The following COG7 variants were observed in gnomAD, a reference collection of about 807,000 sequenced individuals.
COG7 encodes the protein conserved oligomeric Golgi complex subunit 7.
COG7 carries 49 observed loss-of-function variants against 91.5 expected under a neutral mutation model. The observed-to-expected ratio is 0.54, with a 90% confidence interval of 0.43 to 0.68. The LOEUF is 0.68. COG7 is among the 30% of genes least tolerant of loss of function. COG7 has a pLI of 0.00. For missense variants in COG7, 895 were observed against 961.3 expected, an observed-to-expected ratio of 0.93 and a Z score of 0.91; for synonymous variants, 365 against 388.7, an observed-to-expected ratio of 0.94 and a Z score of 0.72.
chr16:23,416,747 A>C, intron 9 of COG7: 1 of 597,022 alleles, frequency 1.7e-6, no homozygotes, highest in Non-Finnish European at 3.0e-6. Context: ...TGAATATGTC[A>C]CATCTTAAGT....
At chr16:23,439,764 G>A (rs1211814723) in intron 4 of COG7, among the ~76,000 whole-genome samples, 1 of 152,186 alleles carries the variant, frequency 6.6e-6, no homozygotes, top group Non-Finnish European at 1.5e-5. Flanking sequence ...AAGTTCTGGA[G>A]ATGGATGGTG....
At chr16:23,436,563 G>A (rs754873528) in intron 4 of COG7, among the ~76,000 whole-genome samples, 31 of 151,990 alleles carry the variant, frequency 2.0e-4, no homozygotes, top group African/African-American at 3.1e-4. Context: ...GTGAAACCCC[G>A]TCTCTACTAA....
intron 4 of COG7, 40 bp from the exon 5 acceptor site, chr16:23,434,758 T>C: frequency 2.1e-6 from 3 of 1,438,366 alleles, no homozygotes; most frequent in Non-Finnish European, 2.9e-6. Flanking sequence ...TACCAGCCTT[T>C]CTGGTGTAGA....
At chr16:23,411,267 A>T (rs912166825) in intron 10 of COG7, among the ~76,000 whole-genome samples, 1 of 152,176 alleles carries the variant, frequency 6.6e-6, no homozygotes, top group Non-Finnish European at 1.5e-5. Context: ...CCAAACTCAT[A>T]ATGTCAGGAC....
chr16:23,410,503 G>T, intron 10 of COG7, 143 bp from the exon 11 acceptor site: 2 of 732,868 alleles, frequency 2.7e-6, no homozygotes, highest in Non-Finnish European at 2.4e-6. Context: ...ACATCTGCTG[G>T]CCTGAAATGT....
chr16:23,393,722 G>A (rs150983596), intron 14 of COG7: 135 of 267,020 alleles, frequency 5.1e-4, no homozygotes, highest in African/African-American at 2.9e-3. Flanking sequence ...GTGTCAGAAT[G>A]TGTGGGGCCA....
chr16:23,394,719 T>G (rs2058416110), intron 14 of COG7, among the ~76,000 whole-genome samples: 1 of 152,198 alleles, frequency 6.6e-6, no homozygotes, highest in South Asian at 2.1e-4. Context: ...AACTACAGGA[T>G]GATCATGCCC....
intron 11 of COG7, among the ~76,000 whole-genome samples, chr16:23,409,088 T>TGTGCGCGCGCGC (rs567307217): frequency 2.0e-5 from 3 of 147,806 alleles, no homozygotes; most frequent in African/African-American, 7.6e-5. Context: ...TGTGTGTGTG[T>TGTGCGCGCGCGC]GCGTGCATGT....
intron 6 of COG7, among the ~76,000 whole-genome samples, chr16:23,427,054 G>C (rs561459712): frequency 1.3e-5 from 2 of 152,038 alleles, no homozygotes; most frequent in South Asian, 4.1e-4. Flanking sequence ...TTTGAGACCA[G>C]CCTGGGCAAC....
intron 6 of COG7, among the ~76,000 whole-genome samples, chr16:23,432,098 G>A (rs1478286987): frequency 6.6e-6 from 1 of 152,084 alleles, no homozygotes; most frequent in Non-Finnish European, 1.5e-5. Flanking sequence ...AGTGAGCCAT[G>A]ATCATGCCAC....
At chr16:23,399,463 A>C (rs1963339132) in intron 13 of COG7, among the ~76,000 whole-genome samples, 1 of 152,166 alleles carries the variant, frequency 6.6e-6, no homozygotes, top group South Asian at 2.1e-4. Context: ...AGAAGAGACA[A>C]AGAAATGTAA....
chr16:23,436,819 C>T (rs1342541469), intron 4 of COG7, among the ~76,000 whole-genome samples: 3 of 152,170 alleles, frequency 2.0e-5, no homozygotes, highest in African/African-American at 4.8e-5. Flanking sequence ...ACCTGTGGGG[C>T]GGGGGAACCC....
intron 12 of COG7, among the ~76,000 whole-genome samples, chr16:23,404,496 G>A (rs994977900): frequency 6.6e-6 from 1 of 152,260 alleles, no homozygotes; most frequent in African/African-American, 2.4e-5. Flanking sequence ...TGTTTGTCAA[G>A]CTCAATGCAA....
Position 23,433,652 on chromosome 16 carries a change from C to T in COG7, c.703G>A (p.Ala235Thr), listed in dbSNP as rs199780645. 1.5e-4 allele frequency: 245 copies of T among 1,614,032 alleles called. No homozygotes were observed. Among genetic ancestry groups the T allele is most frequent in the Non-Finnish European group, 6.8e-6 (8 of 1,179,992 alleles). Residue 235 changes from alanine to threonine, a missense_variant, in exon 6 of 17, where the codon GCC becomes ACC. Coordinates refer to ENST00000307149, the MANE Select transcript of COG7 (RefSeq NM_153603.4). ...YKCHKVQLLAAWQELCQSDLS... is the reference protein window; with the variant it reads ...YKCHKVQLLATWQELCQSDLS... ...TCACTTTGACACAGCTCTTGCCAGG[C>T]TGCTAAAAGCTGCACCTGCAGAGAC...
chr16:23,407,540 C>T (rs1416789726), intron 11 of COG7, among the ~76,000 whole-genome samples: 1 of 152,188 alleles, frequency 6.6e-6, no homozygotes, highest in Non-Finnish European at 1.5e-5. Context: ...GAGGAGAGGC[C>T]TTAAGGACCC....
chr16:23,419,632 C>T (rs1000443570), intron 7 of COG7, among the ~76,000 whole-genome samples: 1 of 149,702 alleles, frequency 6.7e-6, no homozygotes, highest in Non-Finnish European at 1.5e-5. Flanking sequence ...ACCTGTAATT[C>T]CTGCTACTCG....
At chr16:23,444,421 G>A (rs1403348998) in intron 3 of COG7, among the ~76,000 whole-genome samples, 1 of 151,692 alleles carries the variant, frequency 6.6e-6, no homozygotes, top group Non-Finnish European at 1.5e-5. Flanking sequence ...AAGTCCCCAA[G>A]GTATATAAGG....
intron 1 of COG7, among the ~76,000 whole-genome samples, chr16:23,451,192 CA>C (rs149516654): frequency 6.6e-6 from 1 of 151,398 alleles, no homozygotes; most frequent in Non-Finnish European, 1.5e-5. Flanking sequence ...GACTTCGTCT[CA>C]AAAAAAACAA....
chr16:23,417,056 C>T lies in COG7; in HGVS notation c.1203G>A (p.Leu401=). ...CGCATCTGTCAACGGCTGCAGACGC[C>T]AGACCAAACAGCTTGTTCACGGAGT... ...LSHSVNKLFG[L]ASAAVDRCVR... is the part of the protein sequence containing the mutation. Residue 401 remains leucine (L), a synonymous_variant, in exon 9 of 17, where the codon CTG becomes CTA. Transcript: ENST00000307149. 1 of 1,614,228 alleles carries T rather than the reference C, an allele frequency of 6.2e-7. No individual in the cohort carries two copies. The highest frequency in any genetic ancestry group is 8.5e-7 in the Non-Finnish European group (1 of 1,180,038).
Sources: gnomAD v4.1 joint callset for allele counts (sites outside exome capture counted in the v4.1 genomes callset) on GRCh38, gnomAD v4.1.1 for gene constraint, MANE v1.5 for transcripts, NCBI Gene and HGNC (gene_info 2026-07-23, HGNC 2026-07-21) for gene names.